FBXL17: variants seen among roughly 807,000 people sequenced by gnomAD.
FBXL17 encodes the protein F-box/LRR-repeat protein 17.
In FBXL17, 22 loss-of-function variants were observed where a neutral mutation model predicts 66.2. The observed-to-expected ratio is 0.33, with a 90% CI of 0.24 to 0.47. The LOEUF is 0.47. Ranked by LOEUF, FBXL17 falls within the 20% of genes least tolerant of loss-of-function variation. The pLI is 1.00. For missense variants in FBXL17, 878 were observed against 948.2 expected (o/e 0.93, Z 0.97); for synonymous variants, 474 against 400.5 (o/e 1.18, Z -2.19).
At chr5:108,339,579 T>G (rs113709043) in intron 4 of FBXL17, among the ~76,000 whole-genome samples, 1 of 141,000 alleles carries the variant, frequency 7.1e-6, no homozygotes, top group Non-Finnish European at 1.6e-5. Context: ...AGATTTTTAT[T>G]AAAAAAAAAA....
intron 3 of FBXL17, among the ~76,000 whole-genome samples, chr5:108,363,094 C>T (rs1748443847): frequency 6.6e-6 from 1 of 151,928 alleles, no homozygotes; most frequent in African/African-American, 2.4e-5. Flanking sequence ...TTTACTAAAA[C>T]CATAATATAA....
intron 6 of FBXL17, among the ~76,000 whole-genome samples, chr5:108,058,571 G>T (rs1747804225): frequency 6.6e-6 from 1 of 151,778 alleles, no homozygotes; most frequent in Non-Finnish European, 1.5e-5. Flanking sequence ...TGCAACCTCA[G>T]CATGCTGGGT....
chr5:108,119,608 A>C (rs112561787), intron 6 of FBXL17, among the ~76,000 whole-genome samples: 3 of 152,248 alleles, frequency 2.0e-5, no homozygotes, highest in African/African-American at 7.2e-5. Context: ...TGCAGCATTC[A>C]TATTTTTGTC....
In FBXL17 at chr5:108,009,274, TATATATATATATATATATATATATATAC is replaced by T. The variant is rs1225011938; in HGVS notation, c.1822+11623_1822+11650del. On this transcript the variant is annotated intron_variant, in intron 7 of 8. Transcript: ENST00000542267. ...TTGTTCCCTGTTTTATATATATATATATATATATATATATATATATATATATACATATATACATACACATATAGTTTTG... is the reference window on the plus strand; with the variant it reads ...TTGTTCCCTGTTTTATATATATATATATATATACATACACATATAGTTTTG... 1.1e-4 allele frequency among the ~76,000 whole-genome samples: 5 copies of T among 45,826 alleles called. 1 individual carries two copies. Among genetic ancestry groups the T allele is most frequent in the Admixed American group, 1.1e-3 (4 of 3,772 alleles). The allele number at this position is 45,826 out of a possible 152,430, so 30.1% of individuals were successfully genotyped here.
At chr5:108,204,983 T>G (rs1248265304) in intron 5 of FBXL17, among the ~76,000 whole-genome samples, 1 of 152,052 alleles carries the variant, frequency 6.6e-6, no homozygotes, top group African/African-American at 2.4e-5. Flanking sequence ...TGATCGAAAC[T>G]TACTGCAGAC....
At chr5:108,339,847 C>T (rs901293177) in intron 4 of FBXL17, among the ~76,000 whole-genome samples, 5 of 152,046 alleles carry the variant, frequency 3.3e-5, no homozygotes, top group East Asian at 1.9e-4. Context: ...CCTGAGATCC[C>T]GTTTGCATTT....
intron 6 of FBXL17, among the ~76,000 whole-genome samples, chr5:108,093,870 T>G (rs558437056): frequency 6.6e-6 from 1 of 152,282 alleles, no homozygotes; most frequent in African/African-American, 2.4e-5. Context: ...CAGTGTGATT[T>G]TTAAAAATCA....
chr5:108,013,112 T>C (rs989638899), intron 7 of FBXL17, among the ~76,000 whole-genome samples: 4 of 151,930 alleles, frequency 2.6e-5, no homozygotes, highest in Non-Finnish European at 5.9e-5. Context: ...ACATTTTATC[T>C]ATTTTATCTT....
At chr5:107,869,148 C>G (rs1220487866) in intron 8 of FBXL17, among the ~76,000 whole-genome samples, 1 of 152,238 alleles carries the variant, frequency 6.6e-6, no homozygotes, top group African/African-American at 2.4e-5. Flanking sequence ...GTCTGTCACT[C>G]TTCACAGACT....
At chr5:108,263,027 CAGTTTTT>C (rs1756902030) in intron 4 of FBXL17, among the ~76,000 whole-genome samples, 1 of 152,228 alleles carries the variant, frequency 6.6e-6, no homozygotes, top group African/African-American at 2.4e-5. Context: ...AATAAATTTT[CAGTTTTT>C]AATTTTCCTC....
At chr5:107,943,944 T>A (rs1385387067) in intron 7 of FBXL17, among the ~76,000 whole-genome samples, 1 of 152,198 alleles carries the variant, frequency 6.6e-6, no homozygotes, top group Non-Finnish European at 1.5e-5. Flanking sequence ...ATGCAGCACT[T>A]CTGGCCACAC....
At chr5:108,265,606 C>T (rs1757015013) in intron 4 of FBXL17, among the ~76,000 whole-genome samples, 1 of 152,138 alleles carries the variant, frequency 6.6e-6, no homozygotes, top group South Asian at 2.1e-4. Context: ...GGCTCACATA[C>T]ACAGTAACAT....
At chr5:108,009,569 C>G (rs923162816) in intron 7 of FBXL17, among the ~76,000 whole-genome samples, 1 of 151,458 alleles carries the variant, frequency 6.6e-6, no homozygotes, top group African/African-American at 2.4e-5. Context: ...TTGAAAAGTT[C>G]AAAGTATTTA....
In FBXL17 at chr5:107,996,526, G is replaced by C. The variant is rs144800665; in HGVS notation, c.1822+24399C>G. On this transcript the variant is annotated intron_variant, in intron 7 of 8. Transcript: ENST00000542267. ...GACAAGGTTTTGCCACGTTGGCCAG[G>C]CTAGTCTAGAACTCCTGATCTCAGG... 2.9e-3 allele frequency among the ~76,000 whole-genome samples: 443 copies of C among 152,282 alleles called. 7 individuals are homozygous for C. Among genetic ancestry groups the C allele is most frequent in the East Asian group, 0.022 (116 of 5,174 alleles).
intron 6 of FBXL17, among the ~76,000 whole-genome samples, chr5:108,052,629 A>G (rs2112826552): frequency 6.6e-6 from 1 of 152,354 alleles, no homozygotes; most frequent in African/African-American, 2.4e-5. Flanking sequence ...TGCCCAAAGT[A>G]ATTTATAGAT....
At chr5:108,366,422 T>C (rs1394317353) in intron 2 of FBXL17, among the ~76,000 whole-genome samples, 2 of 152,008 alleles carry the variant, frequency 1.3e-5, no homozygotes, top group Non-Finnish European at 2.9e-5. Flanking sequence ...GCACTTGGAG[T>C]AACAGCCAAA....
chr5:108,038,295 C>T (rs538521311), intron 6 of FBXL17, among the ~76,000 whole-genome samples: 4 of 152,030 alleles, frequency 2.6e-5, no homozygotes, highest in African/African-American at 7.2e-5. Flanking sequence ...AATAACAGGA[C>T]TGTATGTGTA....
intron 4 of FBXL17, among the ~76,000 whole-genome samples, chr5:108,258,191 C>T (rs1289543889): frequency 6.6e-6 from 1 of 152,120 alleles, no homozygotes; most frequent in Non-Finnish European, 1.5e-5. Context: ...TTCAACAGGG[C>T]CGTGGCTTTA....
chr5:108,116,696 T>C (rs1489713594), intron 6 of FBXL17, among the ~76,000 whole-genome samples: 1 of 151,446 alleles, frequency 6.6e-6, no homozygotes, highest in Non-Finnish European at 1.5e-5. Context: ...GTTAATAAGA[T>C]AAAGAATGGG....
Sources: gnomAD v4.1 joint callset for allele counts (sites outside exome capture counted in the v4.1 genomes callset) on GRCh38, gnomAD v4.1.1 for gene constraint, MANE v1.5 for transcripts, NCBI Gene and HGNC (gene_info 2026-07-23, HGNC 2026-07-21) for gene names.